The following KCNIP4 variants were observed in gnomAD, a reference collection of about 807,000 sequenced individuals.
KCNIP4 encodes the protein potassium voltage-gated channel interacting protein 4, also known as Kv channel-interacting protein 4.
KCNIP4 carries 12 observed loss-of-function variants against 34.0 expected under a neutral mutation model. The observed-to-expected ratio is 0.35, with a 90% CI of 0.23 to 0.57. The LOEUF is 0.57. KCNIP4 is among the 20% of genes least tolerant of loss of function. The probability of loss-of-function intolerance (pLI) is 0.83; values close to 1 mark genes in which losing one functional copy is unlikely to be tolerated. For synonymous variants in KCNIP4, 124 were observed against 102.2 expected, an observed-to-expected ratio of 1.21 and a Z score of -1.29; for missense variants, 238 against 311.7, an observed-to-expected ratio of 0.76 and a Z score of 1.78.
intron 1 of KCNIP4, among the ~76,000 whole-genome samples, chr4:21,875,289 T>G (rs185154789): frequency 1.3e-5 from 2 of 152,322 alleles, no homozygotes; most frequent in African/African-American, 4.8e-5. Context: ...GTGAGCCAAC[T>G]GCTGCAAATA....
chr4:21,888,858 T>C (rs959858525), intron 1 of KCNIP4, among the ~76,000 whole-genome samples: 3 of 152,120 alleles, frequency 2.0e-5, no homozygotes, highest in Non-Finnish European at 4.4e-5. Flanking sequence ...ACATCCAGTT[T>C]AGCTCTTTTT....
At chr4:21,059,556 G>T (rs553414402) in intron 1 of KCNIP4, among the ~76,000 whole-genome samples, 2 of 152,140 alleles carry the variant, frequency 1.3e-5, no homozygotes, top group African/African-American at 4.8e-5. Context: ...AGAGAGTTGG[G>T]GACCTAAGTC....
intron 1 of KCNIP4, among the ~76,000 whole-genome samples, chr4:21,483,479 C>T (rs1731626356): frequency 6.6e-6 from 1 of 151,950 alleles, no homozygotes; most frequent in African/African-American, 2.4e-5. Flanking sequence ...ATAGAGTTCT[C>T]ATGAGATCTG....
intron 3 of KCNIP4, among the ~76,000 whole-genome samples, chr4:20,822,928 T>C (rs1183079027): frequency 1.3e-5 from 2 of 152,080 alleles, no homozygotes; most frequent in Non-Finnish European, 2.9e-5. Context: ...TTCCCTTCTA[T>C]GTCTTCTACC....
At chr4:21,641,291 C>G (rs563322002) in intron 1 of KCNIP4, among the ~76,000 whole-genome samples, 4 of 152,186 alleles carry the variant, frequency 2.6e-5, no homozygotes, top group African/African-American at 9.7e-5. Flanking sequence ...TGTCAGTTGA[C>G]AAACTTGGGT....
chr4:20,792,929 G>C (rs559236601), intron 3 of KCNIP4, among the ~76,000 whole-genome samples: 146 of 152,244 alleles, frequency 9.6e-4, no homozygotes, highest in African/African-American at 3.5e-3. Flanking sequence ...AAATGTTGTT[G>C]AGGATGTAAA....
chr4:20,974,788 T>C (rs1735322239), intron 1 of KCNIP4, among the ~76,000 whole-genome samples: 1 of 152,210 alleles, frequency 6.6e-6, no homozygotes, highest in South Asian at 2.1e-4. Flanking sequence ...AAATTATGTC[T>C]TTATGTTCTC....
chr4:21,084,454 T>C (rs1746249622), intron 1 of KCNIP4, among the ~76,000 whole-genome samples: 1 of 149,580 alleles, frequency 6.7e-6, no homozygotes, highest in Non-Finnish European at 1.5e-5. Context: ...TATGATTCCT[T>C]TCTCCATGCC....
intron 1 of KCNIP4, among the ~76,000 whole-genome samples, chr4:21,922,202 C>G (rs1187853990): frequency 6.6e-6 from 1 of 152,172 alleles, no homozygotes; most frequent in African/African-American, 2.4e-5. Flanking sequence ...TTCAAAGAAG[C>G]CCTCTCTGAC....
chr4:21,722,719 C>T (rs772618173), intron 1 of KCNIP4, among the ~76,000 whole-genome samples: 3 of 152,058 alleles, frequency 2.0e-5, no homozygotes, highest in Non-Finnish European at 4.4e-5. Context: ...GTATCTGGTT[C>T]TCTTTGATGT....
chr4:20,938,085 T>G (rs2149613151), intron 1 of KCNIP4, among the ~76,000 whole-genome samples: 1 of 152,304 alleles, frequency 6.6e-6, no homozygotes, highest in East Asian at 1.9e-4. Flanking sequence ...AATATACATC[T>G]TTAAGTTTCA....
intron 1 of KCNIP4, among the ~76,000 whole-genome samples, chr4:21,072,092 G>T (rs1044134266): frequency 4.6e-5 from 7 of 152,086 alleles, no homozygotes; most frequent in African/African-American, 1.4e-4. Context: ...GAATAGTGCC[G>T]CAATAAACAT....
intron 1 of KCNIP4, among the ~76,000 whole-genome samples, chr4:21,178,811 C>T (rs899217471): frequency 6.9e-6 from 1 of 144,476 alleles, no homozygotes; most frequent in Admixed American, 6.9e-5. Flanking sequence ...CTTCTAACAC[C>T]AAACTTTTTT....
intron 1 of KCNIP4, among the ~76,000 whole-genome samples, chr4:21,311,513 A>G (rs1427096699): frequency 1.3e-5 from 2 of 152,156 alleles, no homozygotes; most frequent in East Asian, 3.9e-4. Flanking sequence ...ACATGGTGAA[A>G]CCCCATCTCT....
intron 1 of KCNIP4, among the ~76,000 whole-genome samples, chr4:21,809,034 G>A (rs1721466999): frequency 6.6e-6 from 1 of 152,162 alleles, no homozygotes; most frequent in Admixed American, 6.5e-5. Flanking sequence ...ATTTTGTGAT[G>A]GTTAATTTTA....
At chr4:21,550,132 A>C (rs1168357682) in intron 1 of KCNIP4, among the ~76,000 whole-genome samples, 3 of 152,076 alleles carry the variant, frequency 2.0e-5, no homozygotes, top group Non-Finnish European at 4.4e-5. Context: ...AAGGAAGAGA[A>C]GGCTGCTTAC....
intron 1 of KCNIP4, among the ~76,000 whole-genome samples, chr4:21,426,715 A>G (rs1725957572): frequency 6.6e-6 from 1 of 152,078 alleles, no homozygotes; most frequent in Non-Finnish European, 1.5e-5. Flanking sequence ...ATATTTATTG[A>G]GCATCTACTA....
chr4:21,289,563 G>C (rs1000358325), intron 1 of KCNIP4, among the ~76,000 whole-genome samples: 1 of 152,002 alleles, frequency 6.6e-6, no homozygotes, highest in Non-Finnish European at 1.5e-5. Flanking sequence ...AAATTATATG[G>C]ATCATCCCTA....
At chr4:21,362,197 T>C (rs764826807) in intron 1 of KCNIP4, among the ~76,000 whole-genome samples, 8 of 152,156 alleles carry the variant, frequency 5.3e-5, no homozygotes, top group Non-Finnish European at 7.3e-5. Flanking sequence ...TGACATACTA[T>C]GAACAGTTTC....
Sources: gnomAD v4.1 joint callset for allele counts (sites outside exome capture counted in the v4.1 genomes callset) on GRCh38, gnomAD v4.1.1 for gene constraint, MANE v1.5 for transcripts, NCBI Gene and HGNC (gene_info 2026-07-23, HGNC 2026-07-21) for gene names.